S1PR3: variants seen among roughly 807,000 people sequenced by gnomAD.
S1PR3 encodes sphingosine-1-phosphate receptor 3.
S1PR3 carries 12 observed loss-of-function variants against 13.3 expected under a neutral mutation model. The ratio of observed to expected loss-of-function variants is 0.90; its 90% confidence interval spans 0.58 to 1.46. S1PR3 has a LOEUF of 1.46. Among genes scored for constraint, S1PR3 ranks in the 40% most tolerant of loss-of-function variants. The pLI is 0.00. For synonymous variants in S1PR3, 232 were observed against 214.0 expected (o/e 1.08, Z -0.73); for missense variants, 450 against 501.9 (o/e 0.90, Z 0.99).
At chr9:88,997,668 T>A (rs1011264766) in intron 1 of S1PR3, 6 of 152,270 alleles carry the variant, frequency 3.9e-5, no homozygotes, top group African/African-American at 1.4e-4. Flanking sequence ...AAGGTTTGTC[T>A]GCAGCTTGTC....
intron 1 of S1PR3, chr9:88,993,362 A>G (rs1399596875): frequency 1.3e-5 from 2 of 152,220 alleles, no homozygotes; most frequent in Non-Finnish European, 2.9e-5. Context: ...GCATGCCACA[A>G]TCTTGAAAAA....
At chr9:88,994,189 C>G (rs1048973529) in intron 1 of S1PR3, 8 of 167,134 alleles carry the variant, frequency 4.8e-5, no homozygotes, top group African/African-American at 1.9e-4. Context: ...GGCACGGACA[C>G]CGGCCCAGCC....
chr9:88,991,891 C>T lies in S1PR3; in HGVS notation c.-148+196C>T, dbSNP rs142040832. 1,646 of 1,614,196 alleles carry T rather than the reference C, an allele frequency of 1.0e-3. 5 individuals are homozygous for T. The highest frequency in any genetic ancestry group is 1.3e-3 in the Non-Finnish European group (1,517 of 1,180,022). Reference sequence around the variant, plus strand: ...CAGGGAGGAGGCCTTTTCCACCGCACCCGGAGCGTTTACAACGGGCTGGAG... The same window carrying T: ...CAGGGAGGAGGCCTTTTCCACCGCATCCGGAGCGTTTACAACGGGCTGGAG... On this transcript the variant is annotated intron_variant, in intron 1 of 1. Coordinates refer to ENST00000358157, the MANE Select transcript of S1PR3 (RefSeq NM_005226.4). The surrounding 1 kb of genome is among the most constrained non-coding windows in gnomAD (Gnocchi z 4.0).
At position 89,001,133 on chromosome 9, in the gene S1PR3, T is replaced by C. The variant is rs1289666379; in HGVS notation, c.-68T>C. The C allele has an allele frequency of 2.6e-6, 4 of 1,559,190 alleles. No individual in the cohort carries two copies. Among genetic ancestry groups the C allele is most frequent in the Non-Finnish European group, 2.6e-6 (3 of 1,147,010 alleles). On this transcript the variant is annotated 5_prime_UTR_variant, in exon 2 of 2. Transcript: ENST00000358157. ...AGCCGGAACCTCAGCCCCGCTTCCC[T>C]TTGAAATGAATGTTCCTGGGGCGCC... is the stretch of plus-strand genomic sequence containing the variant.
At chr9:88,997,198 T>G (rs768172553) in intron 1 of S1PR3, 5 of 152,236 alleles carry the variant, frequency 3.3e-5, no homozygotes, top group Non-Finnish European at 5.9e-5. Context: ...AGGGAAATGA[T>G]AAATCAAACA....
chr9:88,991,457 C>G, upstream of S1PR3: 7 of 1,546,356 alleles, frequency 4.5e-6, no homozygotes, highest in Non-Finnish European at 6.1e-6. The surrounding 1 kb of genome is among the most constrained non-coding windows in gnomAD (Gnocchi z 4.0). Context: ...TAGTCTCTGA[C>G]TCGCTCGGGC....
intron 1 of S1PR3, chr9:88,994,999 G>A (rs1825781037): frequency 6.0e-6 from 1 of 167,040 alleles, no homozygotes; most frequent in South Asian, 2.1e-4. Flanking sequence ...CTAGAGCAAG[G>A]GAAAATACTC....
chr9:88,992,617 G>GT (rs1468232280), intron 1 of S1PR3: 3 of 152,178 alleles, frequency 2.0e-5, no homozygotes, highest in Non-Finnish European at 4.4e-5. Context: ...TCTTTTCAAT[G>GT]TTTTTTATTC....
In S1PR3 at chr9:88,991,842, C is replaced by A. The variant is rs1414106052; in HGVS notation, c.-148+147C>A. ...GGCCGGAGCGCTCCACATCAGCACC[C>A]CTCCCCCAGAGCCGCTGCAGGAACA... On this transcript the variant is annotated intron_variant, in intron 1 of 1. Coordinates refer to ENST00000358157, the MANE Select transcript of S1PR3 (RefSeq NM_005226.4). This position sits in a 1 kb window ranked among gnomAD's most constrained non-coding sequence, Gnocchi z 4.0. 1 of 1,613,418 alleles carries A rather than the reference C, an allele frequency of 6.2e-7. No individual in the cohort carries two copies. The highest frequency in any genetic ancestry group is 1.3e-5 in the African/African-American group (1 of 74,922).
chr9:89,001,404 TA>T lies in S1PR3; in HGVS notation c.207del (p.Lys69AsnfsTer29), dbSNP rs1228895154. The T allele has an allele frequency of 6.2e-7, 1 of 1,614,064 alleles. No homozygotes were observed. Among genetic ancestry groups the T allele is most frequent in the African/African-American group, 1.3e-5 (1 of 74,922 alleles). On this transcript the variant is annotated frameshift_variant, in exon 2 of 2. Transcript: ENST00000358157. LOFTEE classifies it high-confidence loss of function. The part of the protein sequence containing the change: ...MVLIAIWKNN[K>X]FHNRMYFFIG... ...TTTTGATTGCCATCTGGAAAAACAA[TA>T]AATTTCACAACCGCATGTACTTTTT...
At position 89,001,183 on chromosome 9, in the gene S1PR3, G is replaced by A. The variant is rs1161463894; in HGVS notation, c.-18G>A. The A allele has an allele frequency of 1.2e-6, 2 of 1,607,898 alleles. No homozygotes were observed. The highest frequency in any genetic ancestry group is 1.7e-6 in the Non-Finnish European group (2 of 1,176,074). ...CCTCTCGTGGATTTTGGAGCTAATC[G>A]TCTGTGAATGCCAAGTGATGGCAAC... On this transcript the variant is annotated 5_prime_UTR_variant, in exon 2 of 2. Transcript: ENST00000358157.
chr9:88,991,009 G>T (rs761259925), upstream of S1PR3: 1 of 1,613,544 alleles, frequency 6.2e-7, no homozygotes. This position sits in a 1 kb window ranked among gnomAD's most constrained non-coding sequence, Gnocchi z 4.0. Context: ...GTCAGGATCT[G>T]GACAACGATA....
At position 89,001,164 on chromosome 9, in the gene S1PR3, G is replaced by T. The variant is rs773639125; in HGVS notation, c.-37G>T. 5 of 1,600,544 alleles carry T rather than the reference G, an allele frequency of 3.1e-6. No individual in the cohort carries two copies. Among genetic ancestry groups the T allele is most frequent in the Non-Finnish European group, 4.3e-6 (5 of 1,171,880 alleles). Reference sequence around the variant, plus strand: ...ATGAATGTTCCTGGGGCGCCCTCTCGTGGATTTTGGAGCTAATCGTCTGTG... The same window carrying T: ...ATGAATGTTCCTGGGGCGCCCTCTCTTGGATTTTGGAGCTAATCGTCTGTG... On this transcript the variant is annotated 5_prime_UTR_variant, in exon 2 of 2. Coordinates refer to ENST00000358157, the MANE Select transcript of S1PR3 (RefSeq NM_005226.4).
rs568828014 is a variant in S1PR3, at chr9:88,999,697, T to C, written c.-147-1357T>C. 7 of 152,352 alleles carry C rather than the reference T, an allele frequency of 4.6e-5. No individual in the cohort carries two copies. The South Asian group carries it at 1.4e-3, about 32-fold the overall frequency. The allele number at this position is 152,352 out of a possible 1,614,324, so 9.4% of individuals were successfully genotyped here. A position where few individuals can be genotyped will look rare whatever the true frequency, so the allele number is the denominator to read the frequency against. ...CCTCATTTGAACTTAATTACATATT[T>C]AAATACTCAAATAATAAATGATGGC... On this transcript the variant is annotated intron_variant, in intron 1 of 1. Transcript: ENST00000358157.
rs892670820 is a variant in S1PR3 at position 89,003,835 on chromosome 9, G to T, written c.*1498G>T. The stretch of plus-strand genomic sequence containing the variant: ...AACACATTACTAACTTTTTCTAAGA[G>T]AAATTGATTCCTGTTTTGTCATCTG... On this transcript the variant is annotated 3_prime_UTR_variant, in exon 2 of 2. Transcript: ENST00000358157. 6.0e-6 allele frequency: 1 copy of T among 166,532 alleles called. No homozygotes were observed. Among genetic ancestry groups the T allele is most frequent in the Non-Finnish European group, 1.5e-5 (1 of 68,116 alleles). The allele number at this position is 166,532 out of a possible 1,614,324, so 10.3% of individuals were successfully genotyped here. A position where few individuals can be genotyped will look rare whatever the true frequency, so the allele number is the denominator to read the frequency against.
chr9:88,996,031 A>G (rs1262698112), intron 1 of S1PR3: 2 of 167,062 alleles, frequency 1.2e-5, no homozygotes, highest in Admixed American at 6.5e-5. Flanking sequence ...ATGTCTCAGC[A>G]TCTGGCTTTA....
intron 1 of S1PR3, chr9:88,993,330 T>C (rs1825749491): frequency 6.6e-6 from 1 of 152,404 alleles, no homozygotes; most frequent in South Asian, 2.1e-4. Flanking sequence ...ATATTTTTAT[T>C]ACCAAAAAAA....
At chr9:89,000,939 G>T in intron 1 of S1PR3, 115 bp from the exon 2 acceptor site, 1 of 514,558 alleles carries the variant, frequency 1.9e-6, no homozygotes, top group East Asian at 3.4e-5. Context: ...GCCTGACGTG[G>T]CTAGCCATCC....
At chr9:88,999,835 C>T (rs1257401457) in intron 1 of S1PR3, 1 of 151,976 alleles carries the variant, frequency 6.6e-6, no homozygotes, top group African/African-American at 2.4e-5. Flanking sequence ...AACCCCGTCT[C>T]TACTAAAAAT....
Sources: allele counts gnomAD v4.1 joint callset, GRCh38; gene constraint gnomAD v4.1.1; non-coding constraint Gnocchi (gnomAD v3.1); transcripts MANE v1.5; gene names NCBI Gene and HGNC (gene_info 2026-07-23, HGNC 2026-07-21).